Variants in PALM2AKAP2 observed in about 807,000 individuals in gnomAD.
The protein encoded by PALM2AKAP2 is PALM2-AKAP2 fusion protein.
PALM2AKAP2 carries 37 observed loss-of-function variants against 71.5 expected under a neutral mutation model. The ratio of observed to expected loss-of-function variants is 0.52; its 90% CI spans 0.40 to 0.68. The LOEUF (loss-of-function observed/expected upper bound fraction) is 0.68, where lower values mean the gene tolerates loss of function less well. PALM2AKAP2 is among the 30% of genes least tolerant of loss of function. The probability of loss-of-function intolerance (pLI) is 0.00; values close to 1 mark genes in which losing one functional copy is unlikely to be tolerated. For missense variants in PALM2AKAP2, 1,224 were observed against 1,191.8 expected, an observed-to-expected ratio of 1.03 and a Z score of -0.40; for synonymous variants, 468 against 478.8, an observed-to-expected ratio of 0.98 and a Z score of 0.29.
chr9:109,747,272 A>G (rs1358954915), intron 1 of PALM2AKAP2, among the ~76,000 whole-genome samples: 1 of 152,178 alleles, frequency 6.6e-6, no homozygotes, highest in Non-Finnish European at 1.5e-5. Context: ...GCTAGCCCCC[A>G]GGCCACCACG....
At chr9:109,990,715 A>T (rs1320657557) in intron 6 of PALM2AKAP2, among the ~76,000 whole-genome samples, 2 of 152,260 alleles carry the variant, frequency 1.3e-5, no homozygotes, top group East Asian at 3.8e-4. Context: ...GACCAAAGCC[A>T]CAGATCATTT....
At chr9:109,865,011 T>C (rs1039674235) in intron 1 of PALM2AKAP2, among the ~76,000 whole-genome samples, 23 of 152,032 alleles carry the variant, frequency 1.5e-4, no homozygotes, top group African/African-American at 5.6e-4. Context: ...CCCTGGAATA[T>C]GCAGTGCATT....
chr9:109,843,301 C>CAAA (rs35634219), intron 1 of PALM2AKAP2, among the ~76,000 whole-genome samples: 5,977 of 66,324 alleles, frequency 0.09, 421 homozygotes, highest in African/African-American at 0.2. Context: ...GCCCCTGTCT[C>CAAA]AAAAAAAAAA....
chr9:110,140,350 C>T (rs1280941541), intron 2 of PALM2AKAP2, among the ~76,000 whole-genome samples: 3 of 152,204 alleles, frequency 2.0e-5, no homozygotes, highest in African/African-American at 7.2e-5. Context: ...CAAGATATTC[C>T]AGTTTCATCT....
chr9:109,980,168 C>A (rs1290106148), intron 6 of PALM2AKAP2, among the ~76,000 whole-genome samples: 4 of 152,148 alleles, frequency 2.6e-5, no homozygotes, highest in Non-Finnish European at 1.5e-5. Context: ...GCTTTGCAAA[C>A]AACAGATGCT....
chr9:109,998,865 C>A (rs943532199), intron 6 of PALM2AKAP2, among the ~76,000 whole-genome samples: 29 of 151,872 alleles, frequency 1.9e-4, no homozygotes, highest in African/African-American at 6.8e-4. Flanking sequence ...GCCATGTCAT[C>A]CATCAGGTGA....
intron 1 of PALM2AKAP2, among the ~76,000 whole-genome samples, chr9:110,135,167 ATATAAATATAT>A (rs1835827069): frequency 1.9e-5 from 1 of 53,634 alleles, no homozygotes; most frequent in East Asian, 1.5e-3. Context: ...AAAAAAAAAT[ATATAAATATAT>A]ATATATATAT....
intron 3 of PALM2AKAP2, among the ~76,000 whole-genome samples, chr9:109,908,557 A>C (rs1410115546): frequency 1.3e-5 from 2 of 152,270 alleles, no homozygotes; most frequent in Non-Finnish European, 2.9e-5. Context: ...TAATGCTTAC[A>C]AACCATTTAG....
intron 6 of PALM2AKAP2, among the ~76,000 whole-genome samples, chr9:109,942,434 T>A (rs1831393379): frequency 6.6e-6 from 1 of 152,156 alleles, no homozygotes; most frequent in African/African-American, 2.4e-5. Flanking sequence ...TTTTAGCAGA[T>A]CTTCCTTAAA....
chr9:109,896,811 C>T (rs550363962), intron 3 of PALM2AKAP2, among the ~76,000 whole-genome samples: 7 of 152,010 alleles, frequency 4.6e-5, no homozygotes, highest in Non-Finnish European at 7.4e-5. Context: ...GCCCTGTCTC[C>T]AAAAAATAAT....
At chr9:109,773,339 G>A (rs1829300795) in intron 1 of PALM2AKAP2, among the ~76,000 whole-genome samples, 1 of 152,010 alleles carries the variant, frequency 6.6e-6, no homozygotes, top group Non-Finnish European at 1.5e-5. Context: ...GTCTCACTAT[G>A]TTGCCCAGGC....
At chr9:110,032,060 GAAAAAAA>G (rs560993508) in intron 7 of PALM2AKAP2, among the ~76,000 whole-genome samples, 9 of 119,378 alleles carry the variant, frequency 7.5e-5, no homozygotes, top group Non-Finnish European at 1.4e-4. Context: ...AGCTTACGGG[GAAAAAAA>G]AAAAAAAAAA....
intron 1 of PALM2AKAP2, among the ~76,000 whole-genome samples, chr9:109,837,085 A>G (rs1828501594): frequency 6.6e-6 from 1 of 152,200 alleles, no homozygotes; most frequent in Non-Finnish European, 1.5e-5. Flanking sequence ...TGTCAGATTC[A>G]CCAAAGTTGA....
chr9:110,119,329 G>C (rs562250410), intron 1 of PALM2AKAP2, among the ~76,000 whole-genome samples: 81 of 131,790 alleles, frequency 6.1e-4, no homozygotes, highest in African/African-American at 2.4e-3. Flanking sequence ...GTGACAGAGC[G>C]AGACTCCATC....
chr9:110,066,357 A>G (rs1349043416), intron 1 of PALM2AKAP2, among the ~76,000 whole-genome samples: 1 of 152,196 alleles, frequency 6.6e-6, no homozygotes, highest in African/African-American at 2.4e-5. Context: ...TAAAACGCAG[A>G]TAATAGTACT....
chr9:109,956,976 G>C (rs753808308), intron 6 of PALM2AKAP2, among the ~76,000 whole-genome samples: 1 of 152,170 alleles, frequency 6.6e-6, no homozygotes, highest in African/African-American at 2.4e-5. Context: ...CTTGCTCAAA[G>C]CCACAAGAAG....
chr9:110,035,256 T>C (rs2132429844), intron 7 of PALM2AKAP2, among the ~76,000 whole-genome samples: 1 of 127,842 alleles, frequency 7.8e-6, no homozygotes, highest in South Asian at 2.4e-4. Flanking sequence ...TTATATTATA[T>C]ACACACATAT....
At chr9:110,119,891 G>A (rs889650597) in intron 1 of PALM2AKAP2, among the ~76,000 whole-genome samples, 4 of 152,050 alleles carry the variant, frequency 2.6e-5, no homozygotes, top group East Asian at 3.8e-4. Flanking sequence ...TCATTTTACC[G>A]TATGGCAAGC....
intron 1 of PALM2AKAP2, among the ~76,000 whole-genome samples, chr9:110,054,346 C>T (rs935046294): frequency 1.3e-5 from 2 of 152,052 alleles, no homozygotes; most frequent in Non-Finnish European, 2.9e-5. Context: ...TTGCGGTGGG[C>T]CGACATGGTG....
Sources: allele counts gnomAD v4.1 joint callset (sites outside exome capture counted in the v4.1 genomes callset), GRCh38; gene constraint gnomAD v4.1.1; transcripts MANE v1.5; gene names NCBI Gene and HGNC (gene_info 2026-07-23, HGNC 2026-07-21).